Variants in USP48 observed in about 807,000 individuals in gnomAD.
USP48 encodes the protein ubiquitin specific peptidase 48, also known as ubiquitin carboxyl-terminal hydrolase 48.
Under a neutral mutation model 150.7 loss-of-function variants are expected in USP48, and 43 were observed. The ratio of observed to expected loss-of-function variants is 0.29; its 90% CI spans 0.22 to 0.37. USP48 has a LOEUF of 0.37. Among genes scored for constraint, USP48 ranks in the 10% least tolerant of loss-of-function variants. The probability of loss-of-function intolerance (pLI) is 1.00; values close to 1 mark genes in which losing one functional copy is unlikely to be tolerated. For synonymous variants in USP48, 396 were observed against 425.9 expected (o/e 0.93, Z 0.86); for missense variants, 813 against 1,249.6 (o/e 0.65, Z 5.27).
intron 14 of USP48, among the ~76,000 whole-genome samples, chr1:21,716,405 G>A (rs1020101122): frequency 7.9e-5 from 12 of 152,188 alleles, no homozygotes; most frequent in African/African-American, 2.9e-4. Context: ...GAAAACTCAT[G>A]TCGCAGGCAG....
At chr1:21,773,186 C>T (rs2097886913) in intron 1 of USP48, among the ~76,000 whole-genome samples, 1 of 140,832 alleles carries the variant, frequency 7.1e-6, no homozygotes, top group African/African-American at 2.7e-5. Context: ...ACCCAGGAAG[C>T]AGAGGTTGCA....
chr1:21,752,671 A>G lies in USP48; in HGVS notation c.541-20T>C, dbSNP rs775878994. Reference sequence around the variant, plus strand: ...AGCATCCTACAAGTTTAGGTTAATGAAAAGAAAAATCATATCTTGCTTTTC... The same window carrying G: ...AGCATCCTACAAGTTTAGGTTAATGGAAAGAAAAATCATATCTTGCTTTTC... On this transcript the variant is annotated intron_variant, in intron 4 of 26. Transcript: ENST00000308271. The G allele has an allele frequency of 4.4e-6, 7 of 1,573,990 alleles. No homozygotes were observed. The highest frequency in any genetic ancestry group is 1.4e-5 in the African/African-American group (1 of 72,430).
intron 8 of USP48, among the ~76,000 whole-genome samples, chr1:21,743,024 T>A (rs765032901): frequency 2.6e-5 from 4 of 152,222 alleles, no homozygotes; most frequent in African/African-American, 9.7e-5. Context: ...AATTTTTTTT[T>A]AATATTCTGG....
chr1:21,730,774 T>G (rs545452721), intron 9 of USP48, among the ~76,000 whole-genome samples: 80 of 151,876 alleles, frequency 5.3e-4, no homozygotes, highest in Non-Finnish European at 8.2e-4. Context: ...ATTCTTTTTT[T>G]TTTTTTTGAG....
At chr1:21,742,485 G>A (rs1238876538) in intron 8 of USP48, among the ~76,000 whole-genome samples, 3 of 150,716 alleles carry the variant, frequency 2.0e-5, no homozygotes, top group Non-Finnish European at 4.4e-5. Flanking sequence ...CGGAGGTTGC[G>A]GTGAGCCAAG....
intron 1 of USP48, among the ~76,000 whole-genome samples, chr1:21,760,274 T>C: frequency 6.6e-6 from 1 of 152,168 alleles, no homozygotes; most frequent in Non-Finnish European, 1.5e-5. Flanking sequence ...TCTTTTGCTA[T>C]AAAGGAACAT....
intron 8 of USP48, among the ~76,000 whole-genome samples, 198 bp downstream of exon 8, chr1:21,746,869 T>C (rs2097795871): frequency 6.6e-6 from 1 of 152,244 alleles, no homozygotes; most frequent in African/African-American, 2.4e-5. Context: ...CACCTCATCT[T>C]TGCTATATGC....
chr1:21,729,782 G>T lies in USP48; in HGVS notation c.1222C>A (p.His408Asn). The T allele has an allele frequency of 6.2e-7, 1 of 1,614,114 alleles. No homozygotes were observed. The highest frequency in any genetic ancestry group is 8.5e-7 in the Non-Finnish European group (1 of 1,179,988). ...AACATATATGCATTTCGAGAGCAAT[G>T]AGTTCCTTTGCCACACTTGGGTTTA... ...TRKPKCGKGT[H>N]CSRNAYMLVY... The change falls in exon 10 of 27, where the codon CAT becomes AAT. Residue 408 changes from histidine (H) to asparagine (N), a missense_variant. Transcript: ENST00000308271.
At chr1:21,694,175 G>C (rs144515075) in intron 23 of USP48, among the ~76,000 whole-genome samples, 1 of 152,146 alleles carries the variant, frequency 6.6e-6, no homozygotes, top group Non-Finnish European at 1.5e-5. Context: ...TACAGCCGTG[G>C]AACTGATTTG....
intron 8 of USP48, among the ~76,000 whole-genome samples, chr1:21,743,722 G>GTAC (rs1232786753): frequency 6.6e-6 from 1 of 152,100 alleles, no homozygotes; most frequent in Non-Finnish European, 1.5e-5. Context: ...GGCTTCCGGG[G>GTAC]TACCAGAAAT....
intron 16 of USP48, 37 bp downstream of exon 16, chr1:21,706,707 G>A (rs372796792): frequency 6.2e-7 from 1 of 1,609,240 alleles, no homozygotes. Context: ...CAGGGAGGTG[G>A]CATGCCATTT....
intron 15 of USP48, among the ~76,000 whole-genome samples, chr1:21,709,024 C>T (rs2097682845): frequency 6.6e-6 from 1 of 151,934 alleles, no homozygotes; most frequent in Non-Finnish European, 1.5e-5. Context: ...ATCCTCCTGC[C>T]TTAGCCTCCT....
chr1:21,781,671 T>TTGCAGTGAGCC (rs2097914917), intron 1 of USP48, among the ~76,000 whole-genome samples: 1 of 152,144 alleles, frequency 6.6e-6, no homozygotes, highest in Non-Finnish European at 1.5e-5. Context: ...GAAACGGAGG[T>TTGCAGTGAGCC]TGCAGTGAGC....
intron 15 of USP48, 52 bp from the exon 16 acceptor site, chr1:21,706,920 CAT>C (rs775607822): frequency 1.3e-6 from 2 of 1,545,268 alleles, no homozygotes; most frequent in Non-Finnish European, 1.7e-6. Flanking sequence ...GAAAAAAAGT[CAT>C]TATCTATTTC....
intron 8 of USP48, among the ~76,000 whole-genome samples, chr1:21,741,180 C>G (rs1359758132): frequency 6.6e-6 from 1 of 152,080 alleles, no homozygotes; most frequent in African/African-American, 2.4e-5. Context: ...GCAGGTTTTC[C>G]TACTAGAAAA....
At chr1:21,726,096 T>A (rs1425858593) in intron 11 of USP48, among the ~76,000 whole-genome samples, 1 of 152,166 alleles carries the variant, frequency 6.6e-6, no homozygotes, top group Non-Finnish European at 1.5e-5. Flanking sequence ...CATCCTAGTT[T>A]CCCCAGCAGC....
chr1:21,751,357 A>T, intron 6 of USP48, 150 bp downstream of exon 6: 1 of 616,228 alleles, frequency 1.6e-6, no homozygotes, highest in Admixed American at 2.9e-5. Context: ...GGTACTTCAT[A>T]AAGTGTCTTC....
intron 1 of USP48, among the ~76,000 whole-genome samples, chr1:21,766,163 T>C (rs1317894710): frequency 1.3e-5 from 2 of 151,590 alleles, no homozygotes; most frequent in African/African-American, 4.9e-5. Context: ...AGGCTAGGAG[T>C]TCAAGACCAG....
At chr1:21,771,649 G>A (rs748957290) in intron 1 of USP48, among the ~76,000 whole-genome samples, 29 of 152,002 alleles carry the variant, frequency 1.9e-4, no homozygotes, top group Non-Finnish European at 4.1e-4. Context: ...GCTGGGTGCA[G>A]TGGCTTACAC....
Sources: allele counts gnomAD v4.1 joint callset (sites outside exome capture counted in the v4.1 genomes callset), GRCh38; gene constraint gnomAD v4.1.1; transcripts MANE v1.5; gene names NCBI Gene and HGNC (gene_info 2026-07-23, HGNC 2026-07-21).